The following ADGRB3 variants were observed in gnomAD, a reference collection of about 807,000 sequenced individuals.
ADGRB3 encodes the protein adhesion G protein-coupled receptor B3, also known as brain-specific angiogenesis inhibitor 3.
Under a neutral mutation model 193.4 loss-of-function variants are expected in ADGRB3, and 37 were observed. The observed-to-expected ratio is 0.19, with a 90% CI of 0.15 to 0.25. The LOEUF (loss-of-function observed/expected upper bound fraction) is 0.25. Among genes scored for constraint, ADGRB3 ranks in the 10% least tolerant of loss-of-function variants. The pLI is 1.00. For synonymous variants in ADGRB3, 690 were observed against 644.2 expected (o/e 1.07, Z -1.08); for missense variants, 1,637 against 1,852.9 (o/e 0.88, Z 2.14).
intron 13 of ADGRB3, among the ~76,000 whole-genome samples, chr6:69,046,846 G>A (rs1399659384): frequency 1.3e-5 from 2 of 151,978 alleles, no homozygotes; most frequent in East Asian, 3.9e-4. Flanking sequence ...ATTCACTTAT[G>A]AGGAGTGTAA....
chr6:69,280,770 C>A (rs1211602255), intron 20 of ADGRB3, among the ~76,000 whole-genome samples: 1 of 152,084 alleles, frequency 6.6e-6, no homozygotes, highest in Non-Finnish European at 1.5e-5. Context: ...AAAGACAAAG[C>A]TATCCTGTAG....
intron 3 of ADGRB3, among the ~76,000 whole-genome samples, chr6:68,709,119 T>C (rs1286844678): frequency 6.6e-6 from 1 of 152,202 alleles, no homozygotes; most frequent in African/African-American, 2.4e-5. Flanking sequence ...TACCTTTCAA[T>C]TTAAAACAGA....
chr6:69,279,422 G>A (rs888134845), intron 20 of ADGRB3, among the ~76,000 whole-genome samples: 9 of 151,338 alleles, frequency 5.9e-5, no homozygotes, highest in African/African-American at 1.7e-4. Flanking sequence ...TCACACCATC[G>A]TAAAGGCGAA....
intron 16 of ADGRB3, among the ~76,000 whole-genome samples, chr6:69,065,357 C>A (rs1771871107): frequency 1.3e-5 from 2 of 152,178 alleles, no homozygotes; most frequent in Admixed American, 1.3e-4. Flanking sequence ...CAGTTACTGA[C>A]CACACAACTG....
intron 15 of ADGRB3, among the ~76,000 whole-genome samples, chr6:69,050,149 A>G (rs1771350781): frequency 1.3e-5 from 2 of 152,246 alleles, no homozygotes. Context: ...AGGAAAGAAT[A>G]TAAATGATGT....
At chr6:68,878,750 C>T (rs1383586958) in intron 3 of ADGRB3, among the ~76,000 whole-genome samples, 1 of 152,096 alleles carries the variant, frequency 6.6e-6, no homozygotes, top group African/African-American at 2.4e-5. Flanking sequence ...TAAAAACATA[C>T]CTGAGACTGG....
chr6:68,789,813 T>G (rs895631643), intron 3 of ADGRB3, among the ~76,000 whole-genome samples: 10 of 152,220 alleles, frequency 6.6e-5, no homozygotes, highest in Admixed American at 2.0e-4. Flanking sequence ...ATTTGGTCTT[T>G]TCACATAGTC....
chr6:68,695,586 T>C (rs187577020), intron 3 of ADGRB3, among the ~76,000 whole-genome samples: 2 of 152,150 alleles, frequency 1.3e-5, no homozygotes, highest in South Asian at 2.1e-4. Context: ...AAGGGCCCCC[T>C]GGATTGTGTG....
chr6:69,041,836 C>T (rs907136008), intron 13 of ADGRB3, among the ~76,000 whole-genome samples: 1 of 152,262 alleles, frequency 6.6e-6, no homozygotes, highest in East Asian at 1.9e-4. Context: ...AAGGGATCCT[C>T]CTGCCTTGGC....
At chr6:69,223,117 T>TTTTTTA (rs1765933050) in intron 17 of ADGRB3, among the ~76,000 whole-genome samples, 2 of 152,230 alleles carry the variant, frequency 1.3e-5, no homozygotes, top group South Asian at 4.1e-4. Context: ...AAAGAAACAT[T>TTTTTTA]GCTCTAATAC....
At chr6:69,095,857 T>A (rs1392413530) in intron 17 of ADGRB3, among the ~76,000 whole-genome samples, 1 of 152,218 alleles carries the variant, frequency 6.6e-6, no homozygotes, top group Non-Finnish European at 1.5e-5. Context: ...TACTGTTGTA[T>A]TGCATATGAA....
intron 21 of ADGRB3, among the ~76,000 whole-genome samples, chr6:69,326,769 CAT>C (rs1202094634): frequency 1.3e-5 from 2 of 150,032 alleles, no homozygotes; most frequent in African/African-American, 2.5e-5. Context: ...CAACAAATGA[CAT>C]GTGTGGAGGA....
chr6:69,145,073 G>A (rs1306270228), intron 17 of ADGRB3, among the ~76,000 whole-genome samples: 2 of 152,156 alleles, frequency 1.3e-5, no homozygotes, highest in Non-Finnish European at 2.9e-5. Flanking sequence ...CACTTCATTA[G>A]CCAGCAACCT....
rs1276134829 is a variant in ADGRB3 at position 69,324,997 on chromosome 6, A to C, written c.2940A>C (p.Arg980Ser). Reference protein sequence around the residue: ...VTGKIRTRLIRKRFLCLGWGL... With the variant: ...VTGKIRTRLISKRFLCLGWGL... ...GAAAAATTAGGACACGGCTTATAAG[A>C]AAACGCTTTTTGTGCCTTGGATGGG... Residue 980 changes from arginine to serine, a missense_variant, in exon 21 of 32, where the codon AGA becomes AGC. Arg to Ser is a moderately radical substitution (Grantham distance 110). Coordinates refer to ENST00000370598, the MANE Select transcript of ADGRB3 (RefSeq NM_001704.3). 1.2e-6 allele frequency: 2 copies of C among 1,613,684 alleles called. No homozygotes were observed. The highest frequency in any genetic ancestry group is 4.5e-5 in the East Asian group (2 of 44,864).
At chr6:69,359,989 G>GA (rs903053869) in intron 28 of ADGRB3, among the ~76,000 whole-genome samples, 25 of 150,240 alleles carry the variant, frequency 1.7e-4, no homozygotes, top group East Asian at 3.9e-4. Context: ...GGCAAAAAGA[G>GA]AAAAAAAAAC....
chr6:68,837,667 A>T (rs1239503622), intron 3 of ADGRB3, among the ~76,000 whole-genome samples: 1 of 152,208 alleles, frequency 6.6e-6, no homozygotes, highest in African/African-American at 2.4e-5. Flanking sequence ...TATGGGCTTA[A>T]AGATGATCTT....
intron 17 of ADGRB3, among the ~76,000 whole-genome samples, chr6:69,152,204 T>C (rs1230376358): frequency 6.6e-6 from 1 of 152,232 alleles, no homozygotes. Context: ...TTTCAAGCTC[T>C]AAATCTAATT....
At chr6:69,080,143 T>C (rs1207425696) in intron 17 of ADGRB3, among the ~76,000 whole-genome samples, 1 of 152,096 alleles carries the variant, frequency 6.6e-6, no homozygotes, top group Non-Finnish European at 1.5e-5. Flanking sequence ...AGTCAAAATT[T>C]CATTTACCTC....
chr6:68,637,214 C>T (rs1767979827), intron 1 of ADGRB3, among the ~76,000 whole-genome samples, 177 bp from the exon 2 acceptor site: 1 of 152,106 alleles, frequency 6.6e-6, no homozygotes, highest in Non-Finnish European at 1.5e-5. Context: ...GAATTATAAT[C>T]TGGAAAATGC....
Sources: gnomAD v4.1 joint callset for allele counts (sites outside exome capture counted in the v4.1 genomes callset) on GRCh38, gnomAD v4.1.1 for gene constraint, MANE v1.5 for transcripts, NCBI Gene and HGNC (gene_info 2026-07-23, HGNC 2026-07-21) for gene names.